The following IL16 variants were observed in gnomAD, a reference collection of about 807,000 sequenced individuals.
The protein encoded by IL16 is interleukin 16, also known as pro-interleukin-16.
In IL16, 67 loss-of-function variants were observed where a neutral mutation model predicts 110.1. The ratio of observed to expected loss-of-function variants is 0.61; its 90% CI spans 0.50 to 0.75. The LOEUF is 0.75. IL16 is among the 30% of genes least tolerant of loss of function. The pLI, the probability that IL16 is intolerant of heterozygous loss-of-function variation, is 0.00. For missense variants in IL16, 1,545 were observed against 1,655.0 expected, an observed-to-expected ratio of 0.93 and a Z score of 1.15; for synonymous variants, 689 against 662.9, an observed-to-expected ratio of 1.04 and a Z score of -0.61.
At chr15:81,236,121 A>G (rs1447689140) in intron 2 of IL16, among the ~76,000 whole-genome samples, 1 of 152,188 alleles carries the variant, frequency 6.6e-6, no homozygotes, top group Non-Finnish European at 1.5e-5. Context: ...ATATAGCATG[A>G]CTCAGGATTT....
chr15:81,231,314 AGGTC>A (rs909092720), intron 2 of IL16, among the ~76,000 whole-genome samples: 1 of 90,578 alleles, frequency 1.1e-5, no homozygotes, highest in Non-Finnish European at 2.4e-5. Flanking sequence ...GATCTACCCA[AGGTC>A]GGTCTGTCTC....
At chr15:81,268,381 T>C (rs1235889398) in intron 4 of IL16, among the ~76,000 whole-genome samples, 1 of 151,334 alleles carries the variant, frequency 6.6e-6, no homozygotes, top group Non-Finnish European at 1.5e-5. Context: ...TAAGTACTGT[T>C]AATATCCACC....
rs749310651 is a variant in IL16 at position 81,313,406 on chromosome 15, G to C, written c.*4608G>C. On this transcript the variant is annotated 3_prime_UTR_variant, in exon 19 of 19. Transcript: ENST00000683961. ...CCAGGTTGGTCTTGGTGGGTTCCCT[G>C]TGAAGGCAACAGCAGAGCTGTGTTA... is the stretch of plus-strand genomic sequence containing the variant. 61 of 1,537,638 alleles carry C rather than the reference G, an allele frequency of 4.0e-5. No individual in the cohort carries two copies. In the South Asian group the frequency reaches 7.6e-4, roughly 19 times the overall value.
intron 12 of IL16, among the ~76,000 whole-genome samples, chr15:81,295,746 T>G (rs893847633): frequency 1.3e-5 from 2 of 152,266 alleles, no homozygotes; most frequent in South Asian, 2.1e-4. Flanking sequence ...GGCAATGCTC[T>G]GTGAATACAC....
intron 4 of IL16, 29 bp downstream of exon 4, chr15:81,265,830 AAG>A (rs1567025523): frequency 6.3e-7 from 1 of 1,594,156 alleles, no homozygotes; most frequent in Non-Finnish European, 8.6e-7. Context: ...AAACTCAGAG[AAG>A]AGTTTCTCCC....
intron 2 of IL16, among the ~76,000 whole-genome samples, chr15:81,242,749 T>G (rs948290100): frequency 8.5e-5 from 13 of 152,112 alleles, no homozygotes; most frequent in Admixed American, 6.6e-4. Flanking sequence ...TCCAGTAGTA[T>G]GTTGAATGAG....
rs527285637 is a variant in IL16, at chr15:81,301,455, A to G, written c.3261A>G (p.Ser1087=). Residue 1087 remains serine (S), a synonymous_variant, in exon 15 of 19, where the codon TCA becomes TCG. Coordinates refer to ENST00000683961, the MANE Select transcript of IL16 (RefSeq NM_172217.5). ...AGTCCGTTATCTCCCTGCTGAGCTC[A>G]GAAGAATTAAAAAAACTCATCGAGG... ...SGQSVISLLS[S]EELKKLIEEV... 3.1e-6 allele frequency: 5 copies of G among 1,614,070 alleles called. No individual in the cohort carries two copies. In the Admixed American group the frequency reaches 8.3e-5, roughly 27 times the overall value.
chr15:81,306,189 A>G, intron 17 of IL16, 23 bp downstream of exon 17: 1 of 1,608,312 alleles, frequency 6.2e-7, no homozygotes, highest in Non-Finnish European at 8.5e-7. Context: ...AACTCAGTGG[A>G]AGCCACATGG....
At chr15:81,209,090 A>G (rs970050173) in intron 1 of IL16, among the ~76,000 whole-genome samples, 1 of 152,204 alleles carries the variant, frequency 6.6e-6, no homozygotes, top group Non-Finnish European at 1.5e-5. Context: ...TGAGCACTCA[A>G]TGAATTCAAT....
intron 8 of IL16, among the ~76,000 whole-genome samples, chr15:81,281,598 C>T (rs1899183211): frequency 6.6e-6 from 1 of 152,264 alleles, no homozygotes; most frequent in Non-Finnish European, 1.5e-5. Context: ...AGTATCCATT[C>T]CTCACTTTCC....
intron 4 of IL16, among the ~76,000 whole-genome samples, chr15:81,268,069 A>G (rs1164525954): frequency 2.0e-5 from 3 of 152,148 alleles, no homozygotes; most frequent in Non-Finnish European, 4.4e-5. Flanking sequence ...GAGGAGAGGG[A>G]GTTATCAGAG....
intron 2 of IL16, among the ~76,000 whole-genome samples, chr15:81,245,457 A>G (rs1016795473): frequency 2.5e-4 from 38 of 150,802 alleles, no homozygotes; most frequent in African/African-American, 9.2e-4. Flanking sequence ...GTTTTACACT[A>G]AGGCTGTGGG....
rs149410949 is a variant in IL16, at chr15:81,299,703, C to T, written c.2377C>T (p.Arg793Cys). 5.8e-5 allele frequency: 93 copies of T among 1,614,086 alleles called. No homozygotes were observed. In the Middle Eastern group the frequency reaches 8.2e-4, roughly 14 times the overall value. The change falls in exon 14 of 19, where the codon CGC (arginine) becomes TGC (cysteine). Residue 793 changes from arginine to cysteine, a missense_variant. Transcript: ENST00000683961. ...TGTGGCTCCCAAGCCAGCCTGGTTT[C>T]GCCAAAGCTTGAAAGGTTTGAGGAA... Reference protein sequence around the residue: ...PPVAPKPAWFRQSLKGLRNRA... With the variant: ...PPVAPKPAWFCQSLKGLRNRA...
intron 1 of IL16, among the ~76,000 whole-genome samples, chr15:81,215,753 G>GCCA (rs373443066): frequency 7.6e-4 from 116 of 152,284 alleles, no homozygotes; most frequent in African/African-American, 2.6e-3. Flanking sequence ...CTCACCCCTT[G>GCCA]CCACACTCTG....
chr15:81,207,832 A>G (rs1290989789), intron 1 of IL16, among the ~76,000 whole-genome samples: 1 of 140,098 alleles, frequency 7.1e-6, no homozygotes. Flanking sequence ...TGAGCATACA[A>G]GTGCATGTGG....
At chr15:81,226,856 A>G (rs527456112) in intron 2 of IL16, among the ~76,000 whole-genome samples, 1 of 152,200 alleles carries the variant, frequency 6.6e-6, no homozygotes, top group East Asian at 1.9e-4. Context: ...ACCAACTGAG[A>G]GTCAAATTTA....
At chr15:81,185,781 C>T (rs1895410962) in intron 1 of IL16, among the ~76,000 whole-genome samples, 1 of 152,072 alleles carries the variant, frequency 6.6e-6, no homozygotes, top group East Asian at 1.9e-4. Context: ...CGTGGGGCTT[C>T]CCTGAGGAGG....
intron 1 of IL16, among the ~76,000 whole-genome samples, chr15:81,202,670 C>G (rs1895863267): frequency 6.6e-6 from 1 of 151,758 alleles, no homozygotes; most frequent in Non-Finnish European, 1.5e-5. Context: ...TTTTTTATGG[C>G]TGCATAGTAT....
intron 2 of IL16, among the ~76,000 whole-genome samples, chr15:81,246,672 T>C (rs560770037): frequency 6.6e-6 from 1 of 151,866 alleles, no homozygotes; most frequent in African/African-American, 2.4e-5. Flanking sequence ...GTTTTCTTTT[T>C]ACTTGCCAGG....
Sources: allele counts gnomAD v4.1 joint callset (sites outside exome capture counted in the v4.1 genomes callset), GRCh38; gene constraint gnomAD v4.1.1; transcripts MANE v1.5; gene names NCBI Gene and HGNC (gene_info 2026-07-23, HGNC 2026-07-21).